SETDB1: variants seen among roughly 807,000 people sequenced by gnomAD.
SETDB1 encodes histone-lysine N-methyltransferase SETDB1.
In SETDB1, 31 loss-of-function variants were observed where a neutral mutation model predicts 137.4. The observed-to-expected ratio is 0.23, with a 90% CI of 0.17 to 0.30. The LOEUF is 0.30. SETDB1 is among the 10% of genes least tolerant of loss of function. The probability of loss-of-function intolerance (pLI) is 1.00; values close to 1 mark genes in which losing one functional copy is unlikely to be tolerated. For synonymous variants in SETDB1, 548 were observed against 579.9 expected (o/e 0.95, Z 0.79); for missense variants, 1,113 against 1,631.5 (o/e 0.68, Z 5.47).
Position 150,944,008 on chromosome 1 carries a change from CT to C in SETDB1, c.949+17del. The stretch of plus-strand genomic sequence containing the variant: ...TTGCCGGCCACGTGAGTGTTTCTCC[CT>C]TATTCCTTAGCTCAGTTTTCTCCTC... On this transcript the variant is annotated intron_variant, in intron 8 of 21. Coordinates refer to ENST00000692827, the MANE Select transcript of SETDB1 (RefSeq NM_001366418.1). 1 of 1,567,820 alleles carries C rather than the reference CT, an allele frequency of 6.4e-7. No homozygotes were observed. The highest frequency in any genetic ancestry group is 8.8e-7 in the Non-Finnish European group (1 of 1,137,994).
At chr1:150,926,697 C>T (rs768522325) in intron 1 of SETDB1, 180 bp downstream of exon 1, 8 of 528,754 alleles carry the variant, frequency 1.5e-5, no homozygotes, top group Non-Finnish European at 3.1e-5. Context: ...CGGGGGTGGG[C>T]TGGTGTGTGG....
chr1:150,934,199 G>A (rs1205112155), intron 3 of SETDB1, among the ~76,000 whole-genome samples: 4 of 152,092 alleles, frequency 2.6e-5, no homozygotes, highest in South Asian at 2.1e-4. Context: ...TTGGCTGGGC[G>A]CGGTGGCTGA....
In SETDB1 at chr1:150,962,171, T is replaced by C; in HGVS notation, c.3161+13T>C. 6.2e-7 allele frequency: 1 copy of C among 1,610,442 alleles called. No individual in the cohort carries two copies. The highest frequency in any genetic ancestry group is 8.5e-7 in the Non-Finnish European group (1 of 1,176,902). ...ACAAGATGTCAGTGTAAGTGCCTTTTGTTTTGTTTTGTTTTGAGACAGAGT... is the reference window on the plus strand; with the variant it reads ...ACAAGATGTCAGTGTAAGTGCCTTTCGTTTTGTTTTGTTTTGAGACAGAGT... On this transcript the variant is annotated intron_variant, in intron 17 of 21. Coordinates refer to ENST00000692827, the MANE Select transcript of SETDB1 (RefSeq NM_001366418.1).
At chr1:150,950,103 G>A (rs1032549229) in intron 12 of SETDB1, among the ~76,000 whole-genome samples, 3 of 151,954 alleles carry the variant, frequency 2.0e-5, no homozygotes, top group African/African-American at 7.3e-5. Flanking sequence ...GCGTGGTGGC[G>A]CATGCCTGTA....
In SETDB1 at chr1:150,927,943, C is replaced by T; in HGVS notation, c.229C>T (p.His77Tyr). The change falls in exon 2 of 22, where the codon CAC becomes TAC. Residue 77 changes from histidine to tyrosine, a missense_variant. Physicochemically the swap from His to Tyr is moderately conservative, Grantham distance 83 (BLOSUM62 2). This residue lies in a region of SETDB1 where 159 missense variants were observed against 188.6 expected (regional missense o/e 0.84). Coordinates refer to ENST00000692827, the MANE Select transcript of SETDB1 (RefSeq NM_001366418.1). Reference protein sequence around the residue: ...WVIQKESEVAHVDQLFDDASR... With the variant: ...WVIQKESEVAYVDQLFDDASR... ...AATACAGAAAGAATCTGAGGTGGCT[C>T]ACGTTGACCAACTCTTTGATGATGC... 1 of 1,614,182 alleles carries T rather than the reference C, an allele frequency of 6.2e-7. No individual in the cohort carries two copies.
rs114623995 is a variant in SETDB1, at chr1:150,949,193, C to T, written c.1339C>T (p.Pro447Ser). ...DLTGTGTQFK[P>S]VEPPQPTAPP... ...GACCGGTACTGGAACCCAGTTCAAG[C>T]CAGTGGAACCCCCACAGCCTACAGC... The change falls in exon 11 of 22, where the codon CCA becomes TCA. Residue 447 changes from proline to serine, a missense_variant. Physicochemically the swap from Pro to Ser is moderately conservative, Grantham distance 74. Around this residue, in one of 11 missense-constraint regions of SETDB1, gnomAD observed 192 missense variants for 198.1 expected, o/e 0.97. Transcript: ENST00000692827. The T allele has an allele frequency of 8.2e-5, 133 of 1,614,032 alleles. No individual in the cohort carries two copies. The African/African-American group carries it at 1.6e-3, about 20-fold the overall frequency.
rs748127995 is a variant in SETDB1 at position 150,960,689 on chromosome 1, G to A, written c.2630G>A (p.Cys877Tyr). Residue 877 changes from cysteine (C) to tyrosine (Y), a missense_variant, in exon 16 of 22, where the codon TGT (cysteine) becomes TAT (tyrosine). Transcript: ENST00000692827. The stretch of plus-strand genomic sequence containing the variant: ...GAAGGATATGAGAGTGATGCCCCCT[G>A]TTCCTCTGACAGCAGTGGTGTAGAC... ...FKEGYESDAP[C>Y]SSDSSGVDLK... 10 of 1,612,588 alleles carry A rather than the reference G, an allele frequency of 6.2e-6. No individual in the cohort carries two copies. Among genetic ancestry groups the A allele is most frequent in the Non-Finnish European group, 8.5e-6 (10 of 1,179,366 alleles).
At chr1:150,958,405 C>T (rs1329369038) in intron 14 of SETDB1, among the ~76,000 whole-genome samples, 2 of 151,746 alleles carry the variant, frequency 1.3e-5, no homozygotes, top group Admixed American at 1.3e-4. Flanking sequence ...ATGCATGCCA[C>T]CACACCCGGC....
chr1:150,948,109 C>G (rs72704700), intron 10 of SETDB1, among the ~76,000 whole-genome samples: 1 of 151,630 alleles, frequency 6.6e-6, no homozygotes, highest in Admixed American at 6.6e-5. Flanking sequence ...GCACCTGTAG[C>G]CTTAGCTACT....
chr1:150,964,552 C>A lies in SETDB1; in HGVS notation c.*188C>A. On this transcript the variant is annotated 3_prime_UTR_variant, in exon 22 of 22. Coordinates refer to ENST00000692827, the MANE Select transcript of SETDB1 (RefSeq NM_001366418.1). Reference sequence around the variant, plus strand: ...GCTAGCAGGCAGGATCCCTTCTCCACCTCCAAAGGCCCTAAAGGGTGGGGA... The same window carrying A: ...GCTAGCAGGCAGGATCCCTTCTCCAACTCCAAAGGCCCTAAAGGGTGGGGA... 2 of 702,700 alleles carry A rather than the reference C, an allele frequency of 2.8e-6. No homozygotes were observed. The highest frequency in any genetic ancestry group is 5.2e-6 in the Non-Finnish European group (2 of 385,462). 43.5% of individuals were successfully genotyped at this position (702,700 alleles called of 1,614,324 possible).
intron 8 of SETDB1, among the ~76,000 whole-genome samples, chr1:150,944,694 A>AT (rs1670269691): frequency 1.3e-5 from 2 of 152,322 alleles, no homozygotes; most frequent in Non-Finnish European, 2.9e-5. Context: ...TGAATCACCT[A>AT]TATTGTACAT....
At position 150,929,974 on chromosome 1, in the gene SETDB1, A is replaced by G; in HGVS notation, c.268A>G (p.Thr90Ala). The G allele has an allele frequency of 1.2e-6, 2 of 1,613,418 alleles. No homozygotes were observed. Among genetic ancestry groups the G allele is most frequent in the East Asian group, 2.2e-5 (1 of 44,880 alleles). Residue 90 changes from threonine to alanine, a missense_variant, in exon 3 of 22, where the codon ACT (threonine) becomes GCT (alanine). By Grantham distance (58) the Thr-to-Ala change is moderately conservative. Transcript: ENST00000692827. ...CATGTGTTCCAATATTAGGGCAGTG[A>G]CTAATTGTGAGTCTTTGGTGAAGGA... ...QLFDDASRAV[T>A]NCESLVKDFY... is the part of the protein sequence containing the mutation.
At chr1:150,958,254 C>CTTTTTTTTTTTTTTTTTTT (rs374122454) in intron 14 of SETDB1, among the ~76,000 whole-genome samples, 2 of 94,072 alleles carry the variant, frequency 2.1e-5, no homozygotes, top group Non-Finnish European at 4.1e-5. Context: ...TTTCTTTTTT[C>CTTTTTTTTTTTTTTTTTTT]TTTTTTTTTT....
chr1:150,931,897 A>G (rs1402832617), intron 3 of SETDB1, among the ~76,000 whole-genome samples: 1 of 151,950 alleles, frequency 6.6e-6, no homozygotes, highest in African/African-American at 2.4e-5. Context: ...TCATAGCCTA[A>G]TTGGATTTTG....
In SETDB1 at chr1:150,959,231, G is replaced by A; in HGVS notation, c.2387G>A (p.Arg796Gln). The A allele has an allele frequency of 1.2e-6, 2 of 1,602,524 alleles. No individual in the cohort carries two copies. The highest frequency in any genetic ancestry group is 1.7e-6 in the Non-Finnish European group (2 of 1,176,286). ...CKCDPNMCTN[R>Q]LVQHGLQVRL... ...TGTGACCCAAACATGTGCACAAACCGGTTGGTGCAACATGGACTACAAGTT... is the reference window on the plus strand; with the variant it reads ...TGTGACCCAAACATGTGCACAAACCAGTTGGTGCAACATGGACTACAAGTT... Residue 796 changes from arginine to glutamine, a missense_variant, in exon 15 of 22, where the codon CGG becomes CAG. Arg to Gln is a conservative substitution (Grantham distance 43). Around this residue, in one of 11 missense-constraint regions of SETDB1, gnomAD observed 25 missense variants for 102.1 expected, o/e 0.24. Transcript: ENST00000692827.
rs1571665373 is a variant in SETDB1 at position 150,963,152 on chromosome 1, A to G, written c.3460+13A>G. On this transcript the variant is annotated intron_variant, in intron 19 of 21. Transcript: ENST00000692827. ...AAGAACATGACTGGTAGCCTGGAAA[A>G]ATTTTGGGAATGGTGGGAAGAAATA... The G allele has an allele frequency of 6.2e-7, 1 of 1,600,832 alleles. No individual in the cohort carries two copies. Among genetic ancestry groups the G allele is most frequent in the Non-Finnish European group, 8.5e-7 (1 of 1,170,648 alleles).
At chr1:150,931,842 T>C (rs1430812776) in intron 3 of SETDB1, among the ~76,000 whole-genome samples, 1 of 151,810 alleles carries the variant, frequency 6.6e-6, no homozygotes, top group African/African-American at 2.4e-5. Context: ...ATGTCATTTA[T>C]TAAATTAAAG....
Position 150,964,316 on chromosome 1 carries a change from G to A in SETDB1, c.3831G>A (p.Glu1277=), listed in dbSNP as rs756304113. Residue 1277 remains glutamate, a synonymous_variant, in exon 22 of 22, where the codon GAG becomes GAA. Transcript: ENST00000692827. ...AGGTGGGCAGTGTGGAAGGCAAGGA[G>A]CTACTCTGTTGCTGTGGGGCCATTG... ...NYEVGSVEGK[E]LLCCCGAIEC... The A allele has an allele frequency of 6.2e-7, 1 of 1,614,170 alleles. No homozygotes were observed. Among genetic ancestry groups the A allele is most frequent in the Non-Finnish European group, 8.5e-7 (1 of 1,180,016 alleles).
intron 1 of SETDB1, chr1:150,926,869 C>T (rs1669541551): frequency 1.5e-5 from 8 of 532,296 alleles, no homozygotes; most frequent in South Asian, 1.1e-4. Flanking sequence ...AACCTTTTTG[C>T]TGCAAGCTTT....
Sources: gnomAD v4.1 joint callset for allele counts (sites outside exome capture counted in the v4.1 genomes callset) on GRCh38, gnomAD v4.1.1 for gene constraint, gnomAD v4.1.1 regional missense constraint, MANE v1.5 for transcripts, NCBI Gene and HGNC (gene_info 2026-07-23, HGNC 2026-07-21) for gene names.